GALNTL6: variants seen among roughly 807,000 people sequenced by gnomAD.
The protein encoded by GALNTL6 is polypeptide N-acetylgalactosaminyltransferase-like 6.
GALNTL6 carries 46 observed loss-of-function variants against 73.7 expected under a neutral mutation model. That is an observed-to-expected ratio of 0.62 (90% confidence interval 0.49 to 0.80). GALNTL6 has a LOEUF of 0.80. Among genes scored for constraint, GALNTL6 ranks in the 30% least tolerant of loss-of-function variants. The probability of loss-of-function intolerance (pLI) is 0.00; values close to 1 mark genes in which losing one functional copy is unlikely to be tolerated. For missense variants in GALNTL6, 604 were observed against 755.0 expected, an observed-to-expected ratio of 0.80 and a Z score of 2.34; for synonymous variants, 259 against 263.7, an observed-to-expected ratio of 0.98 and a Z score of 0.17.
intron 4 of GALNTL6, among the ~76,000 whole-genome samples, chr4:172,336,513 G>T (rs1264319545): frequency 1.3e-5 from 2 of 151,110 alleles, no homozygotes; most frequent in African/African-American, 2.4e-5. Flanking sequence ...CTGACCTCAG[G>T]ATCCGCCCAC....
rs149652117 is a variant in GALNTL6 at position 171,892,676 on chromosome 4, C to T, written c.138+77958C>T. Among the ~76,000 whole-genome samples the T allele has an allele frequency of 7.6e-3, 1,164 of 152,196 alleles. 18 individuals are homozygous for T. The highest frequency in any genetic ancestry group is 0.026 in the African/African-American group (1,087 of 41,514). On this transcript the variant is annotated intron_variant, in intron 2 of 12. Transcript: ENST00000506823. ...TCCTGGGCTCAAATGATCCTCCCACCTCAGCCTCCCAAGTAGCTGTCACTA... is the reference window on the plus strand; with the variant it reads ...TCCTGGGCTCAAATGATCCTCCCACTTCAGCCTCCCAAGTAGCTGTCACTA...
Position 172,487,319 on chromosome 4 carries a change from T to TTTCC in GALNTL6, c.553+138633_553+138634insCTTC, listed in dbSNP as rs1733716697. Among the ~76,000 whole-genome samples, 3 of 119,426 alleles carry TTTCC rather than the reference T, an allele frequency of 2.5e-5. 1 individual carries two copies. The highest frequency in any genetic ancestry group is 9.0e-5 in the African/African-American group (3 of 33,446). 78.3% of individuals were successfully genotyped at this position (119,426 alleles called of 152,430 possible). On this transcript the variant is annotated intron_variant, in intron 5 of 12. Coordinates refer to ENST00000506823, the MANE Select transcript of GALNTL6 (RefSeq NM_001034845.3). ...CCTTCTGTCTTTCTTTCTTTCTTTCTTTCTTTCTTTCTTTCTTTCTTTCTT... is the reference window on the plus strand; with the variant it reads ...CCTTCTGTCTTTCTTTCTTTCTTTCTTTCCTTCTTTCTTTCTTTCTTTCTTTCTT...
chr4:172,563,155 C>T lies in GALNTL6; in HGVS notation c.553+214466C>T, dbSNP rs1736436782. 2.0e-5 allele frequency among the ~76,000 whole-genome samples: 3 copies of T among 152,156 alleles called. No homozygotes were observed. The South Asian group carries it at 6.2e-4, about 32-fold the overall frequency. On this transcript the variant is annotated intron_variant, in intron 5 of 12. Coordinates refer to ENST00000506823, the MANE Select transcript of GALNTL6 (RefSeq NM_001034845.3). ...ACTCTGCTTTCTCTCTTCTTCCATT[C>T]AGTTTAATAGTTTAATTGCTAGACC...
chr4:172,736,025 T>G (rs1736439493), intron 5 of GALNTL6, among the ~76,000 whole-genome samples: 1 of 152,086 alleles, frequency 6.6e-6, no homozygotes, highest in African/African-American at 2.4e-5. Flanking sequence ...CAATAAAATA[T>G]CACAAGGGCA....
At chr4:172,880,319 CAATTTAAAAATAATGAACCAT>C (rs922891728) in intron 7 of GALNTL6, among the ~76,000 whole-genome samples, 2 of 151,920 alleles carry the variant, frequency 1.3e-5, no homozygotes, top group Non-Finnish European at 2.9e-5. Flanking sequence ...TACTACTCTG[CAATTTAAAAATAATGAACCAT>C]TGATACACGC....
intron 2 of GALNTL6, among the ~76,000 whole-genome samples, chr4:172,226,542 T>A (rs1736872300): frequency 6.6e-6 from 1 of 151,570 alleles, no homozygotes. Context: ...ATATTTTTTT[T>A]AAAGGAAAGA....
intron 5 of GALNTL6, among the ~76,000 whole-genome samples, chr4:172,427,366 A>G (rs1380073458): frequency 6.6e-6 from 1 of 152,052 alleles, no homozygotes; most frequent in Admixed American, 6.6e-5. Context: ...TCTCATGAGA[A>G]TTATTCTCTA....
chr4:172,621,702 C>T (rs576973568), intron 5 of GALNTL6, among the ~76,000 whole-genome samples: 2 of 152,218 alleles, frequency 1.3e-5, no homozygotes, highest in South Asian at 4.1e-4. Flanking sequence ...TTCATTTGCT[C>T]TGACAAATAA....
chr4:172,250,767 G>C (rs1321567863), intron 3 of GALNTL6, among the ~76,000 whole-genome samples: 15 of 152,096 alleles, frequency 9.9e-5, no homozygotes, highest in Admixed American at 9.8e-4. Flanking sequence ...CCTCATAGTA[G>C]CATGAGAACA....
At chr4:171,955,451 A>C (rs1373423788) in intron 2 of GALNTL6, among the ~76,000 whole-genome samples, 1 of 151,658 alleles carries the variant, frequency 6.6e-6, no homozygotes, top group African/African-American at 2.4e-5. Flanking sequence ...TGGCTCCAGG[A>C]CTCCCCTGCC....
At chr4:172,833,774 T>A (rs184851749) in intron 7 of GALNTL6, among the ~76,000 whole-genome samples, 1 of 152,190 alleles carries the variant, frequency 6.6e-6, no homozygotes, top group Non-Finnish European at 1.5e-5. Context: ...AGTCAGTGGA[T>A]GGCAAAAACT....
chr4:172,264,495 T>C (rs1264879020), intron 3 of GALNTL6, among the ~76,000 whole-genome samples: 1 of 143,520 alleles, frequency 7.0e-6, no homozygotes, highest in African/African-American at 2.5e-5. Context: ...TATTTATACT[T>C]ATATTTATAT....
chr4:172,637,702 T>A (rs1739761536), intron 5 of GALNTL6, among the ~76,000 whole-genome samples: 1 of 152,192 alleles, frequency 6.6e-6, no homozygotes, highest in Admixed American at 6.6e-5. Flanking sequence ...TAAACATTAA[T>A]CTTAATGATA....
At chr4:172,245,005 CAAG>C (rs1460608528) in intron 3 of GALNTL6, among the ~76,000 whole-genome samples, 2 of 151,670 alleles carry the variant, frequency 1.3e-5, no homozygotes, top group Non-Finnish European at 2.9e-5. Flanking sequence ...CATGAAGAAA[CAAG>C]AAAATTTTCT....
intron 5 of GALNTL6, among the ~76,000 whole-genome samples, chr4:172,794,092 T>C (rs1740140391): frequency 6.6e-6 from 1 of 152,210 alleles, no homozygotes; most frequent in African/African-American, 2.4e-5. Context: ...TCAATGTTTA[T>C]TGTCTTGGAA....
At chr4:172,430,584 C>T (rs1731408687) in intron 5 of GALNTL6, among the ~76,000 whole-genome samples, 1 of 151,926 alleles carries the variant, frequency 6.6e-6, no homozygotes, top group Admixed American at 6.6e-5. Context: ...ATGTGGAAAA[C>T]AAGTATCTTT....
intron 2 of GALNTL6, among the ~76,000 whole-genome samples, chr4:172,179,580 C>A (rs1252001269): frequency 3.5e-5 from 5 of 142,832 alleles, no homozygotes; most frequent in Non-Finnish European, 6.0e-5. Flanking sequence ...GAGTAGGTTG[C>A]AAAAATTTTC....
intron 2 of GALNTL6, among the ~76,000 whole-genome samples, chr4:172,196,664 T>C (rs551286669): frequency 6.6e-6 from 1 of 152,220 alleles, no homozygotes; most frequent in East Asian, 1.9e-4. Flanking sequence ...AAATGTAAGT[T>C]ATCACACAAA....
intron 8 of GALNTL6, among the ~76,000 whole-genome samples, chr4:172,894,828 T>C (rs1746232621): frequency 6.6e-6 from 1 of 152,172 alleles, no homozygotes; most frequent in Admixed American, 6.5e-5. Flanking sequence ...TTTAGATCTG[T>C]TAATACTTGC....
Sources: gnomAD v4.1 joint callset for allele counts (sites outside exome capture counted in the v4.1 genomes callset) on GRCh38, gnomAD v4.1.1 for gene constraint, MANE v1.5 for transcripts, NCBI Gene and HGNC (gene_info 2026-07-23, HGNC 2026-07-21) for gene names.